MBTD1: variants seen among roughly 807,000 people sequenced by gnomAD.
MBTD1 encodes the protein MBT domain-containing protein 1.
MBTD1 carries 24 observed loss-of-function variants against 87.8 expected under a neutral mutation model. The observed-to-expected ratio is 0.27, with a 90% confidence interval of 0.20 to 0.38. The LOEUF (loss-of-function observed/expected upper bound fraction) is 0.38. Ranked by LOEUF, MBTD1 falls within the 10% of genes least tolerant of loss-of-function variation. The pLI, the probability that MBTD1 is intolerant of heterozygous loss-of-function variation, is 1.00. For missense variants in MBTD1, 436 were observed against 760.2 expected (o/e 0.57, Z 5.02); for synonymous variants, 237 against 248.6 (o/e 0.95, Z 0.44).
chr17:51,209,127 G>A (rs923507201), intron 6 of MBTD1, among the ~76,000 whole-genome samples: 1 of 152,214 alleles, frequency 6.6e-6, no homozygotes, highest in East Asian at 1.9e-4. Context: ...TAATTTCATA[G>A]ATATGTCTGC....
At chr17:51,193,340 T>A in intron 14 of MBTD1, 88 bp downstream of exon 14, 1 of 879,922 alleles carries the variant, frequency 1.1e-6, no homozygotes, top group Non-Finnish European at 1.8e-6. Flanking sequence ...GAAATTCTAA[T>A]ACAAGGCAAA....
At chr17:51,238,137 C>G (rs2053958125) in intron 2 of MBTD1, among the ~76,000 whole-genome samples, 1 of 152,020 alleles carries the variant, frequency 6.6e-6, no homozygotes, top group Non-Finnish European at 1.5e-5. Context: ...CATGAGGAAA[C>G]TTTTAGAGAT....
At chr17:51,210,087 C>A (rs1011342579) in intron 6 of MBTD1, among the ~76,000 whole-genome samples, 1 of 152,070 alleles carries the variant, frequency 6.6e-6, no homozygotes, top group Admixed American at 6.6e-5. Context: ...CTGCAACCTC[C>A]GCCTCCTGGG....
At chr17:51,191,998 T>C (rs758594279) in intron 16 of MBTD1, 10 of 575,132 alleles carry the variant, frequency 1.7e-5, no homozygotes, top group Non-Finnish European at 3.1e-5. Context: ...TTAAATACTG[T>C]GGTAATAATT....
chr17:51,234,252 G>A (rs945518616), intron 2 of MBTD1, among the ~76,000 whole-genome samples: 1 of 151,782 alleles, frequency 6.6e-6, no homozygotes, highest in African/African-American at 2.4e-5. Flanking sequence ...TACTAGCTGG[G>A]TGTAGTGGCA....
intron 4 of MBTD1, 92 bp downstream of exon 4, chr17:51,220,238 G>T: frequency 8.2e-7 from 1 of 1,222,632 alleles, no homozygotes; most frequent in Non-Finnish European, 1.1e-6. Flanking sequence ...AGTGGGCAGA[G>T]GTGGAGTACA....
intron 16 of MBTD1, chr17:51,184,461 T>C (rs1293921792): frequency 1.3e-5 from 2 of 152,260 alleles, no homozygotes; most frequent in Non-Finnish European, 2.9e-5. Context: ...TTTCAGATAG[T>C]TAAGGTAGCA....
At chr17:51,245,105 T>C (rs2054356741) in intron 2 of MBTD1, among the ~76,000 whole-genome samples, 1 of 152,056 alleles carries the variant, frequency 6.6e-6, no homozygotes, top group Admixed American at 6.5e-5. Context: ...TTTCACCATG[T>C]TAGCCAGGAT....
chr17:51,236,937 A>G (rs2053873719), intron 2 of MBTD1, among the ~76,000 whole-genome samples: 1 of 152,198 alleles, frequency 6.6e-6, no homozygotes, highest in African/African-American at 2.4e-5. Flanking sequence ...CTTCTGGGAA[A>G]AATATTAACA....
intron 2 of MBTD1, among the ~76,000 whole-genome samples, chr17:51,241,017 CACCCAGGCTGG>C (rs2054135216): frequency 1.3e-5 from 2 of 152,010 alleles, no homozygotes; most frequent in South Asian, 4.1e-4. Context: ...TCCCAGGCTG[CACCCAGGCTGG>C]AGTGCAGTGG....
At chr17:51,185,994 A>AAGT (rs2050517559) in intron 16 of MBTD1, 1 of 152,598 alleles carries the variant, frequency 6.6e-6, no homozygotes, top group African/African-American at 2.4e-5. Context: ...TTACCCTCTG[A>AAGT]AGTACCTGAG....
At chr17:51,260,697 C>T, upstream of MBTD1, 11 of 1,605,702 alleles carry the variant, frequency 6.9e-6, no homozygotes, top group Non-Finnish European at 9.3e-6. Flanking sequence ...CCAGGCGGGC[C>T]TCCCCAAAAG....
At chr17:51,183,166 CTTTTTTTTTTTTT>C (rs68187851) in intron 16 of MBTD1, 1 of 112,338 alleles carries the variant, frequency 8.9e-6, no homozygotes, top group Non-Finnish European at 1.7e-5. Flanking sequence ...AAAGAATAAT[CTTTTTTTTTTTTT>C]TTTTTTTTTT....
Position 51,195,291 on chromosome 17 carries a change from C to G in MBTD1, c.1295G>C (p.Cys432Ser). The G allele has an allele frequency of 6.2e-7, 1 of 1,613,322 alleles. No individual in the cohort carries two copies. The highest frequency in any genetic ancestry group is 1.1e-5 in the South Asian group (1 of 90,922). ...AATAGAAGGAGAGGTTGCATGGTAA[C>G]AGAACCAGTCAGATCCGTCTGCTGC... ...SEAADGSDWFCYHATSPSIFP... is the reference protein window; with the variant it reads ...SEAADGSDWFSYHATSPSIFP... The change falls in exon 13 of 17, where the codon TGT becomes TCT. Residue 432 changes from cysteine to serine, a missense_variant. Transcript: ENST00000586178.
chr17:51,259,915 G>T lies in MBTD1; in HGVS notation c.-193C>A. The stretch of plus-strand genomic sequence containing the variant: ...CGAGCCCGCGGCGCCCCCTCCCCGG[G>T]CTGGGGGCAGGTGCCTCTCCCCGGG... On this transcript the variant is annotated 5_prime_UTR_variant, in exon 1 of 17. Transcript: ENST00000586178. The T allele has an allele frequency of 8.1e-7, 1 of 1,229,644 alleles. No individual in the cohort carries two copies. Among genetic ancestry groups the T allele is most frequent in the East Asian group, 3.2e-5 (1 of 31,646 alleles). The allele number at this position is 1,229,644 out of a possible 1,614,324, so 76.2% of individuals were successfully genotyped here. A position where few individuals can be genotyped will look rare whatever the true frequency, so the allele number is the denominator to read the frequency against.
intron 16 of MBTD1, among the ~76,000 whole-genome samples, chr17:51,182,497 C>T (rs1410717724): frequency 6.6e-6 from 1 of 152,104 alleles, no homozygotes; most frequent in Non-Finnish European, 1.5e-5. Context: ...ACATGAAAAT[C>T]TGAAAAGTAG....
intron 2 of MBTD1, chr17:51,256,521 G>A (rs964825652): frequency 6.6e-6 from 1 of 152,166 alleles, no homozygotes; most frequent in African/African-American, 2.4e-5. Flanking sequence ...ATAAGTTATA[G>A]GAGAGAAGTT....
upstream of MBTD1, chr17:51,260,606 C>G (rs752421820): frequency 8.7e-6 from 14 of 1,612,376 alleles, no homozygotes; most frequent in Admixed American, 5.0e-5. Context: ...GCGGAGGAGA[C>G]GAATGAAACT....
At chr17:51,222,399 T>TG (rs1200560993) in intron 3 of MBTD1, among the ~76,000 whole-genome samples, 2 of 151,034 alleles carry the variant, frequency 1.3e-5, no homozygotes, top group African/African-American at 4.9e-5. Context: ...GTAGTTTTTT[T>TG]GTTTTGTTTT....
Sources: gnomAD v4.1 joint callset for allele counts (sites outside exome capture counted in the v4.1 genomes callset) on GRCh38, gnomAD v4.1.1 for gene constraint, MANE v1.5 for transcripts, NCBI Gene and HGNC (gene_info 2026-07-23, HGNC 2026-07-21) for gene names.